JMJD1C: variants seen among roughly 807,000 people sequenced by gnomAD.
The protein encoded by JMJD1C is jumonji domain-containing protein 1C.
A neutral mutation model predicts 245.3 loss-of-function variants in JMJD1C; 31 were observed. That is an observed-to-expected ratio of 0.13 (90% CI 0.09 to 0.17). The LOEUF is 0.17. Ranked by LOEUF, JMJD1C falls within the 10% of genes least tolerant of loss-of-function variation. The pLI is 1.00. For missense variants in JMJD1C, 2,691 were observed against 3,000.2 expected, an observed-to-expected ratio of 0.90 and a Z score of 2.41; for synonymous variants, 1,057 against 1,017.4, an observed-to-expected ratio of 1.04 and a Z score of -0.74.
intron 1 of JMJD1C, among the ~76,000 whole-genome samples, chr10:63,519,064 G>A (rs1400780918): frequency 6.6e-6 from 1 of 152,226 alleles, no homozygotes; most frequent in Non-Finnish European, 1.5e-5. Flanking sequence ...TCAATGACAC[G>A]TGTATAGCAC....
chr10:63,280,962 C>CTTT (rs200324748), intron 2 of JMJD1C, among the ~76,000 whole-genome samples: 1 of 143,792 alleles, frequency 7.0e-6, no homozygotes, highest in African/African-American at 2.5e-5. Flanking sequence ...ACCTCTTTTT[C>CTTT]TTTTTTTTTT....
At chr10:63,263,976 A>ACACACACT (rs1855168574) in intron 3 of JMJD1C, among the ~76,000 whole-genome samples, 5 of 127,770 alleles carry the variant, frequency 3.9e-5, no homozygotes, top group East Asian at 2.1e-4. Context: ...ACACACACAC[A>ACACACACT]CACACACACA....
At chr10:63,403,828 T>C (rs979085303) in intron 1 of JMJD1C, among the ~76,000 whole-genome samples, 2 of 152,078 alleles carry the variant, frequency 1.3e-5, no homozygotes, top group Admixed American at 6.6e-5. Flanking sequence ...TCCAGCACTT[T>C]GGGAAGCTGA....
intron 2 of JMJD1C, chr10:63,269,185 A>C: frequency 1.0e-6 from 1 of 985,488 alleles, no homozygotes; most frequent in South Asian, 4.7e-5. Flanking sequence ...AACACAGTGC[A>C]GTAGCTTCCA....
rs1374201601 is a variant in JMJD1C, at chr10:63,329,186, G to C, written c.333+51132C>G. ...AATCCCAGCTACTCAGGAGACTGAG[G>C]TGGGAGAATGGCTTGAGCCTGGGAG... is the stretch of plus-strand genomic sequence containing the variant. On this transcript the variant is annotated intron_variant, in intron 2 of 25. Transcript: ENST00000399262. 2.0e-5 allele frequency among the ~76,000 whole-genome samples: 3 copies of C among 151,936 alleles called. No homozygotes were observed. In the East Asian group the frequency reaches 5.8e-4, roughly 29 times the overall value.
In JMJD1C at chr10:63,207,985, G is replaced by A. The variant is rs1846856432; in HGVS notation, c.3684C>T (p.Ser1228=). Reference sequence around the variant, plus strand: ...GCATCACCGGAGTTAAAGTTGGAGGGGAAAGACTACTATAGCTGCCTTCCT... The same window carrying A: ...GCATCACCGGAGTTAAAGTTGGAGGAGAAAGACTACTATAGCTGCCTTCCT... ...ERKEGSYSSL[S]PPTLTPVMPV... Residue 1228 remains serine, a synonymous_variant, in exon 10 of 26, where the codon TCC becomes TCT. Coordinates refer to ENST00000399262, the MANE Select transcript of JMJD1C (RefSeq NM_032776.3). 6.2e-7 allele frequency: 1 copy of A among 1,614,124 alleles called. No homozygotes were observed. The highest frequency in any genetic ancestry group is 8.5e-7 in the Non-Finnish European group (1 of 1,180,002).
chr10:63,402,077 T>A (rs1201133108), intron 1 of JMJD1C, among the ~76,000 whole-genome samples: 2 of 150,002 alleles, frequency 1.3e-5, no homozygotes, highest in South Asian at 2.1e-4. Flanking sequence ...GAGTTTGCAA[T>A]GAGCCCAGAT....
At chr10:63,299,357 A>ATTTTTTTTTT in intron 2 of JMJD1C, among the ~76,000 whole-genome samples, 1 of 135,800 alleles carries the variant, frequency 7.4e-6, no homozygotes, top group Non-Finnish European at 1.6e-5. Flanking sequence ...TAATTTTTCC[A>ATTTTTTTTTT]TTTTTTTTTT....
rs184962951 is a variant in JMJD1C at position 63,305,712 on chromosome 10, T to C, written c.334-40948A>G. 6.7e-5 allele frequency among the ~76,000 whole-genome samples: 10 copies of C among 148,870 alleles called. No individual in the cohort carries two copies. The East Asian group carries it at 2.0e-3, about 29-fold the overall frequency. On this transcript the variant is annotated intron_variant, in intron 2 of 25. Transcript: ENST00000399262. ...AAGATCTTTCTCAAAGGGATATTGC[T>C]ATACTTGTATTCAAACTGTATTGTA...
intron 2 of JMJD1C, among the ~76,000 whole-genome samples, chr10:63,336,747 T>C (rs1490265224): frequency 6.6e-6 from 1 of 152,180 alleles, no homozygotes; most frequent in African/African-American, 2.4e-5. Flanking sequence ...CGATATCAAC[T>C]TGTCATTTTC....
intron 3 of JMJD1C, among the ~76,000 whole-genome samples, chr10:63,239,468 T>C (rs929295861): frequency 2.0e-5 from 3 of 151,984 alleles, no homozygotes; most frequent in African/African-American, 7.3e-5. Context: ...TTTTGAGACT[T>C]GCGTCTCGCT....
chr10:63,377,363 C>T (rs1946827171), intron 2 of JMJD1C, among the ~76,000 whole-genome samples: 1 of 152,072 alleles, frequency 6.6e-6, no homozygotes, highest in African/African-American at 2.4e-5. Context: ...CTACCAATGA[C>T]CCGTGTACTC....
intron 1 of JMJD1C, among the ~76,000 whole-genome samples, chr10:63,401,398 T>C (rs1276578955): frequency 6.6e-6 from 1 of 152,132 alleles, no homozygotes; most frequent in Non-Finnish European, 1.5e-5. Flanking sequence ...TTTGGGTTTC[T>C]TTTTAGATAC....
At chr10:63,276,937 T>A (rs538958730) in intron 2 of JMJD1C, among the ~76,000 whole-genome samples, 1 of 113,478 alleles carries the variant, frequency 8.8e-6, no homozygotes, top group African/African-American at 3.6e-5. Flanking sequence ...CAGGCTGGAG[T>A]GCAGTGGCAA....
At chr10:63,428,094 A>G (rs1950544574) in intron 1 of JMJD1C, among the ~76,000 whole-genome samples, 1 of 152,208 alleles carries the variant, frequency 6.6e-6, no homozygotes, top group African/African-American at 2.4e-5. Context: ...CAGCTGATCA[A>G]TTACTTTACC....
chr10:63,361,719 TAAAAAAAAAAAAAAAA>T (rs55879769), intron 2 of JMJD1C, among the ~76,000 whole-genome samples: 1 of 95,606 alleles, frequency 1.0e-5, no homozygotes, highest in African/African-American at 4.4e-5. Flanking sequence ...CTGTCTCAAC[TAAAAAAAAAAAAAAAA>T]AAAAAAAAAA....
At chr10:63,173,816 CAT>C (rs1399590120) in intron 24 of JMJD1C, among the ~76,000 whole-genome samples, 5 of 134,602 alleles carry the variant, frequency 3.7e-5, no homozygotes, top group Admixed American at 2.2e-4. Context: ...AGATAAAAGA[CAT>C]TATCAGAAAT....
chr10:63,248,929 T>A (rs1449073605), intron 3 of JMJD1C, among the ~76,000 whole-genome samples: 2 of 152,178 alleles, frequency 1.3e-5, no homozygotes, highest in Non-Finnish European at 2.9e-5. Context: ...TGCCACAACA[T>A]GGATGGAAGT....
In JMJD1C at chr10:63,224,133, C is replaced by G. The variant is rs139605619; in HGVS notation, c.448-4150G>C. On this transcript the variant is annotated intron_variant, in intron 3 of 25. Transcript: ENST00000399262. ...ATACAAATATTTTTCCAACAATAAA[C>G]CATTAATTATCTAGCGGAAATAGCA... Among the ~76,000 whole-genome samples, 74 of 152,246 alleles carry G rather than the reference C, an allele frequency of 4.9e-4. No individual in the cohort carries two copies. In the East Asian group the frequency reaches 0.013, roughly 27 times the overall value.
Sources: allele counts gnomAD v4.1 joint callset (sites outside exome capture counted in the v4.1 genomes callset), GRCh38; gene constraint gnomAD v4.1.1; transcripts MANE v1.5; gene names NCBI Gene and HGNC (gene_info 2026-07-23, HGNC 2026-07-21).